Variants in DNAJC18 observed in about 807,000 individuals in gnomAD.
The protein encoded by DNAJC18 is DnaJ heat shock protein family (Hsp40) member C18, also known as dnaJ homolog subfamily C member 18.
Under a neutral mutation model 48.6 loss-of-function variants are expected in DNAJC18, and 40 were observed. The observed-to-expected ratio is 0.82, with a 90% CI of 0.64 to 1.07. The LOEUF (loss-of-function observed/expected upper bound fraction) is 1.07, where lower values mean the gene tolerates loss of function less well. Ranked by LOEUF, DNAJC18 falls within the 50% of genes least tolerant of loss-of-function variation. The probability of loss-of-function intolerance (pLI) is 0.00; values close to 1 mark genes in which losing one functional copy is unlikely to be tolerated. For missense variants in DNAJC18, 340 were observed against 427.7 expected, an observed-to-expected ratio of 0.79 and a Z score of 1.81; for synonymous variants, 135 against 152.2, an observed-to-expected ratio of 0.89 and a Z score of 0.83.
intron 5 of DNAJC18, 103 bp from the exon 6 acceptor site, chr5:139,422,920 C>A: frequency 4.6e-6 from 3 of 649,194 alleles, no homozygotes; most frequent in Non-Finnish European, 7.2e-6. Context: ...ACTGCAAGCT[C>A]CGCCTCTCGG....
intron 3 of DNAJC18, among the ~76,000 whole-genome samples, 164 bp downstream of exon 3, chr5:139,428,374 G>T (rs1759275567): frequency 1.3e-5 from 2 of 152,146 alleles, no homozygotes; most frequent in Admixed American, 1.3e-4. Flanking sequence ...TCCAGCCTAG[G>T]TAAAATCAAG....
intron 2 of DNAJC18, among the ~76,000 whole-genome samples, chr5:139,433,620 T>C (rs576063328): frequency 2.6e-4 from 40 of 152,344 alleles, no homozygotes; most frequent in African/African-American, 8.9e-4. Flanking sequence ...TACAAAATTA[T>C]TACAGTAGTA....
At chr5:139,420,808 T>C (rs1367270058) in intron 6 of DNAJC18, among the ~76,000 whole-genome samples, 1 of 152,018 alleles carries the variant, frequency 6.6e-6, no homozygotes, top group Admixed American at 6.6e-5. Flanking sequence ...TTAGCAACAT[T>C]AATAAGAGTA....
rs70982778 is a variant in DNAJC18 at position 139,430,586 on chromosome 5, C to CTTTT, written c.228-1907_228-1904dup. On this transcript the variant is annotated intron_variant, in intron 2 of 7. Coordinates refer to ENST00000302060, the MANE Select transcript of DNAJC18 (RefSeq NM_152686.4). The stretch of plus-strand genomic sequence containing the variant: ...ATTACCTAGTACTATATATCTACCT[C>CTTTT]TTTTTTTTTTTTTTGAGACAGAGCC... 6.1e-4 allele frequency among the ~76,000 whole-genome samples: 89 copies of CTTTT among 145,904 alleles called. 1 individual carries two copies. The highest frequency in any genetic ancestry group is 2.0e-3 in the African/African-American group (81 of 39,776).
rs70982777 is a variant in DNAJC18, at chr5:139,424,717, C to CAAA, written c.669+285_669+287dup. Among the ~76,000 whole-genome samples, 156 of 23,118 alleles carry CAAA rather than the reference C, an allele frequency of 6.7e-3. 26 individuals carry two copies. The highest frequency in any genetic ancestry group is 0.019 in the African/African-American group (70 of 3,614). The allele number at this position is 23,118 out of a possible 152,430, so 15.2% of individuals were successfully genotyped here. On this transcript the variant is annotated intron_variant, in intron 5 of 7. Transcript: ENST00000302060. ...CCTGAGTGACAGTGAGACCCTCTCT[C>CAAA]AAAAAAAAAAAAAAAAAAAAAAAAA...
At chr5:139,425,855 A>T (rs1380079893) in intron 4 of DNAJC18, among the ~76,000 whole-genome samples, 1 of 152,232 alleles carries the variant, frequency 6.6e-6, no homozygotes, top group African/African-American at 2.4e-5. Flanking sequence ...GCTATTTTAC[A>T]CAACAATAAT....
intron 2 of DNAJC18, among the ~76,000 whole-genome samples, chr5:139,433,045 T>C (rs995877618): frequency 1.3e-5 from 2 of 152,166 alleles, no homozygotes; most frequent in Non-Finnish European, 2.9e-5. Flanking sequence ...TTTGAGAGAC[T>C]GAGGTGAGTG....
At chr5:139,435,965 C>G (rs1750647827) in intron 2 of DNAJC18, among the ~76,000 whole-genome samples, 1 of 151,744 alleles carries the variant, frequency 6.6e-6, no homozygotes, top group Admixed American at 6.6e-5. Flanking sequence ...CTCAAGTGAT[C>G]CTCCCACCTC....
chr5:139,437,695 A>C (rs951879581), intron 1 of DNAJC18, 137 bp from the exon 2 acceptor site: 2 of 893,784 alleles, frequency 2.2e-6, no homozygotes, highest in African/African-American at 3.4e-5. Context: ...CGTCATGCTG[A>C]CTTTTAAGCA....
intron 7 of DNAJC18, among the ~76,000 whole-genome samples, chr5:139,416,400 G>C (rs186342587): frequency 3.3e-5 from 5 of 152,242 alleles, no homozygotes; most frequent in Non-Finnish European, 7.4e-5. Context: ...CTCTCCTAAG[G>C]TTCTCTGCAA....
intron 5 of DNAJC18, 83 bp from the exon 6 acceptor site, chr5:139,422,900 A>G: frequency 2.3e-6 from 2 of 855,712 alleles, no homozygotes; most frequent in Non-Finnish European, 3.4e-6. Flanking sequence ...CAGTGGTGCG[A>G]TCTCGGCTCA....
chr5:139,432,168 CT>C (rs199837821), intron 2 of DNAJC18, among the ~76,000 whole-genome samples: 392 of 143,292 alleles, frequency 2.7e-3, no homozygotes, highest in African/African-American at 2.6e-3. Flanking sequence ...TTTTCACATT[CT>C]TTTTTTTTTT....
At chr5:139,416,761 C>G (rs1281622261) in intron 7 of DNAJC18, among the ~76,000 whole-genome samples, 1 of 152,266 alleles carries the variant, frequency 6.6e-6, no homozygotes, top group Non-Finnish European at 1.5e-5. Context: ...AGAGGCAGTT[C>G]CTGCCTGCTA....
intron 1 of DNAJC18, 128 bp from the exon 2 acceptor site, chr5:139,437,686 G>A (rs1026030450): frequency 3.7e-6 from 4 of 1,082,702 alleles, no homozygotes; most frequent in Non-Finnish European, 5.1e-6. Flanking sequence ...GGCTAGAGGC[G>A]TCATGCTGAC....
intron 2 of DNAJC18, among the ~76,000 whole-genome samples, chr5:139,432,377 A>T (rs868688745): frequency 1.3e-5 from 2 of 151,982 alleles, no homozygotes; most frequent in South Asian, 2.1e-4. Context: ...GTTGGCCAGG[A>T]TGGTCTTGAA....
At chr5:139,417,369 A>G (rs974884494) in intron 7 of DNAJC18, among the ~76,000 whole-genome samples, 1 of 152,146 alleles carries the variant, frequency 6.6e-6, no homozygotes, top group Non-Finnish European at 1.5e-5. Context: ...ACAACCTCCA[A>G]GTGCTAAATT....
At position 139,412,243 on chromosome 5, in the gene DNAJC18, T is replaced by C. The variant is rs760013732; in HGVS notation, c.*1905A>G. ...CGTCTGTGTAAATCATGGCCATGCA[T>C]TGGGATGAAGAAACTTTACTTTGGA... On this transcript the variant is annotated 3_prime_UTR_variant, in exon 8 of 8. Coordinates refer to ENST00000302060, the MANE Select transcript of DNAJC18 (RefSeq NM_152686.4). 6.6e-6 allele frequency: 1 copy of C among 152,424 alleles called. No homozygotes were observed. Among genetic ancestry groups the C allele is most frequent in the Non-Finnish European group, 1.5e-5 (1 of 68,224 alleles). The allele number at this position is 152,424 out of a possible 1,614,324, so 9.4% of individuals were successfully genotyped here.
intron 3 of DNAJC18, 29 bp from the exon 4 acceptor site, chr5:139,426,386 G>A (rs1759244703): frequency 6.2e-7 from 1 of 1,611,126 alleles, no homozygotes; most frequent in Non-Finnish European, 8.5e-7. Flanking sequence ...AGCACATGAG[G>A]ACACAGTCTT....
Position 139,413,924 on chromosome 5 carries a change from T to G in DNAJC18, c.*224A>C, listed in dbSNP as rs1322977934. The G allele has an allele frequency of 9.2e-6, 5 of 542,424 alleles. No homozygotes were observed. Among genetic ancestry groups the G allele is most frequent in the Non-Finnish European group, 1.2e-5 (4 of 320,764 alleles). The allele number at this position is 542,424 out of a possible 1,614,324, so 33.6% of individuals were successfully genotyped here. ...GGAATCCAATGCCTTGCCATTAATT[T>G]AACTTAGATGAACTACTCCTGGTCC... On this transcript the variant is annotated 3_prime_UTR_variant, in exon 8 of 8. Coordinates refer to ENST00000302060, the MANE Select transcript of DNAJC18 (RefSeq NM_152686.4).
Sources: gnomAD v4.1 joint callset for allele counts (sites outside exome capture counted in the v4.1 genomes callset) on GRCh38, gnomAD v4.1.1 for gene constraint, MANE v1.5 for transcripts, NCBI Gene and HGNC (gene_info 2026-07-23, HGNC 2026-07-21) for gene names.